Variants in PTGIS observed in about 807,000 individuals in gnomAD.
PTGIS encodes the protein prostaglandin I2 synthase.
In PTGIS, 45 loss-of-function variants were observed where a neutral mutation model predicts 50.3. The ratio of observed to expected loss-of-function variants is 0.90; its 90% CI spans 0.70 to 1.15. The LOEUF (loss-of-function observed/expected upper bound fraction) is 1.15, where lower values mean the gene tolerates loss of function less well. Among genes scored for constraint, PTGIS ranks in the 50% most tolerant of loss-of-function variants. PTGIS has a pLI of 0.00. For missense variants in PTGIS, 668 were observed against 661.3 expected (o/e 1.01, Z -0.11); for synonymous variants, 260 against 267.7 (o/e 0.97, Z 0.28).
rs1410874962 is a variant in PTGIS at position 49,505,135 on chromosome 20, A to AAG, written c.*2784_*2785insCT. 1 of 152,010 alleles carries AAG rather than the reference A, an allele frequency of 6.6e-6. No homozygotes were observed. The highest frequency in any genetic ancestry group is 1.5e-5 in the Non-Finnish European group (1 of 68,070). 9.4% of individuals were successfully genotyped at this position (152,010 alleles called of 1,614,324 possible). On this transcript the variant is annotated 3_prime_UTR_variant, in exon 10 of 10. Transcript: ENST00000244043. ...GAGACTCCATCTCAAAAAAAAAAAA[A>AAG]AAAAAAGAGTATTTCATTCTTGCCA...
intron 4 of PTGIS, among the ~76,000 whole-genome samples, chr20:49,541,743 A>T (rs2055849729): frequency 6.6e-6 from 1 of 152,186 alleles, no homozygotes; most frequent in African/African-American, 2.4e-5. Flanking sequence ...TTAAAATAAA[A>T]TAAAATAAAA....
chr20:49,560,873 A>G (rs1342465903), intron 1 of PTGIS, among the ~76,000 whole-genome samples: 9 of 151,992 alleles, frequency 5.9e-5, no homozygotes, highest in Admixed American at 5.9e-4. Context: ...TCCGGCTCCT[A>G]TGCCACGCGT....
rs146531327 is a variant in PTGIS at position 49,511,047 on chromosome 20, C to T, written c.1339G>A (p.Ala447Thr). 2.6e-4 allele frequency: 426 copies of T among 1,613,748 alleles called. 1 individual carries two copies. In the East Asian group the frequency reaches 4.4e-3, roughly 17 times the overall value. ...GHNHCLGRSYAVNSIKQFVFL... is the reference protein window; with the variant it reads ...GHNHCLGRSYTVNSIKQFVFL... The stretch of plus-strand genomic sequence containing the variant: ...ACTCACTGTTTGATGCTGTTGACCG[C>T]ATAACTCCTCCCCAGGCAGTGATTG... The change falls in exon 9 of 10, where the codon GCG becomes ACG. Residue 447 changes from alanine (A) to threonine (T), a missense_variant. Physicochemically the swap from Ala to Thr is moderately conservative, Grantham distance 58. Transcript: ENST00000244043.
intron 5 of PTGIS, among the ~76,000 whole-genome samples, chr20:49,526,151 A>G (rs1367593594): frequency 6.6e-6 from 1 of 152,136 alleles, no homozygotes; most frequent in African/African-American, 2.4e-5. Flanking sequence ...CCAGGTGCCA[A>G]CCCCAGATTG....
intron 1 of PTGIS, among the ~76,000 whole-genome samples, chr20:49,563,082 T>A (rs1982816396): frequency 6.6e-6 from 1 of 152,226 alleles, no homozygotes. Context: ...GAGGCTGGCA[T>A]GGTTCAGCTG....
At chr20:49,518,813 C>T (rs1981567319) in intron 6 of PTGIS, among the ~76,000 whole-genome samples, 1 of 152,168 alleles carries the variant, frequency 6.6e-6, no homozygotes, top group African/African-American at 2.4e-5. Flanking sequence ...TTGCTTTCTA[C>T]TCCGTTGTCA....
At chr20:49,516,580 T>G (rs1981484181) in intron 6 of PTGIS, among the ~76,000 whole-genome samples, 1 of 152,226 alleles carries the variant, frequency 6.6e-6, no homozygotes, top group African/African-American at 2.4e-5. Context: ...TTAAAACAGC[T>G]GCATGATCTT....
At chr20:49,531,693 T>C (rs1317467704) in intron 5 of PTGIS, among the ~76,000 whole-genome samples, 2 of 152,190 alleles carry the variant, frequency 1.3e-5, no homozygotes, top group Non-Finnish European at 2.9e-5. Flanking sequence ...AATGGCGTAG[T>C]CTGGCTCACT....
At position 49,538,210 on chromosome 20, in the gene PTGIS, G is replaced by C. The variant is rs201756947; in HGVS notation, c.673+1360C>G. 2.0e-3 allele frequency among the ~76,000 whole-genome samples: 271 copies of C among 136,764 alleles called. 1 individual carries two copies. Among genetic ancestry groups the C allele is most frequent in the African/African-American group, 7.3e-3 (263 of 36,100 alleles). The allele number at this position is 136,764 out of a possible 152,430, so 89.7% of individuals were successfully genotyped here. On this transcript the variant is annotated intron_variant, in intron 5 of 9. Coordinates refer to ENST00000244043, the MANE Select transcript of PTGIS (RefSeq NM_000961.4). ...ATTGAGGCTGCAGTGAGCCGAGATC[G>C]CACCACTGCACTCCAGCCTGGGTGA...
intron 1 of PTGIS, among the ~76,000 whole-genome samples, chr20:49,564,997 G>T (rs1191584422): frequency 6.8e-6 from 1 of 147,972 alleles, no homozygotes; most frequent in Non-Finnish European, 1.5e-5. Flanking sequence ...TTTTGAGATG[G>T]AGTCGCTCTG....
chr20:49,530,647 A>G (rs1266473151), intron 5 of PTGIS, among the ~76,000 whole-genome samples: 1 of 152,062 alleles, frequency 6.6e-6, no homozygotes, highest in Non-Finnish European at 1.5e-5. Flanking sequence ...TTTGATTTGC[A>G]TTTCCCCAAT....
intron 6 of PTGIS, among the ~76,000 whole-genome samples, chr20:49,520,861 C>CT (rs1981635692): frequency 6.6e-6 from 1 of 151,212 alleles, no homozygotes; most frequent in Non-Finnish European, 1.5e-5. Context: ...GTAGTTTTTG[C>CT]AGAGATGGGG....
chr20:49,567,302 T>C (rs1801910134), intron 1 of PTGIS, among the ~76,000 whole-genome samples: 1 of 152,238 alleles, frequency 6.6e-6, no homozygotes, highest in African/African-American at 2.4e-5. Flanking sequence ...AGATGCTCAA[T>C]GGAGCTGGAA....
intron 6 of PTGIS, among the ~76,000 whole-genome samples, chr20:49,521,320 A>G (rs941350823): frequency 6.6e-6 from 1 of 152,192 alleles, no homozygotes; most frequent in Non-Finnish European, 1.5e-5. Context: ...AGCCTGTGCC[A>G]GAAACTCCTA....
intron 5 of PTGIS, among the ~76,000 whole-genome samples, chr20:49,533,333 A>C (rs746887330): frequency 2.0e-5 from 3 of 152,094 alleles, no homozygotes; most frequent in Non-Finnish European, 4.4e-5. Context: ...ACAATGTTCA[A>C]ATAAACAGCC....
At chr20:49,526,393 G>A (rs80034772) in intron 5 of PTGIS, among the ~76,000 whole-genome samples, 19 of 152,296 alleles carry the variant, frequency 1.2e-4, no homozygotes, top group East Asian at 3.9e-4. Context: ...TAAACACGGC[G>A]TTTACAGATG....
intron 1 of PTGIS, among the ~76,000 whole-genome samples, chr20:49,565,391 A>G (rs1473842217): frequency 1.3e-5 from 2 of 152,214 alleles, no homozygotes; most frequent in African/African-American, 4.8e-5. Context: ...TTGCAAAGCC[A>G]GGCGTGGTGG....
chr20:49,545,510 C>T (rs569658428), intron 3 of PTGIS, among the ~76,000 whole-genome samples: 2 of 152,136 alleles, frequency 1.3e-5, no homozygotes, highest in African/African-American at 2.4e-5. Flanking sequence ...CTGGTCCCAT[C>T]GTGTGGACCT....
chr20:49,523,179 A>G (rs1321884131), intron 6 of PTGIS, among the ~76,000 whole-genome samples: 1 of 152,190 alleles, frequency 6.6e-6, no homozygotes, highest in Non-Finnish European at 1.5e-5. Flanking sequence ...TTAGATAATG[A>G]TCATGTATTT....
Sources: gnomAD v4.1 joint callset for allele counts (sites outside exome capture counted in the v4.1 genomes callset) on GRCh38, gnomAD v4.1.1 for gene constraint, MANE v1.5 for transcripts, NCBI Gene and HGNC (gene_info 2026-07-23, HGNC 2026-07-21) for gene names.